CC2D2A: variants seen among roughly 807,000 people sequenced by gnomAD.
CC2D2A encodes the protein coiled-coil and C2 domain-containing protein 2A.
A neutral mutation model predicts 212.9 loss-of-function variants in CC2D2A; 155 were observed. The observed-to-expected ratio is 0.73, with a 90% CI of 0.64 to 0.83. The LOEUF (loss-of-function observed/expected upper bound fraction) is 0.83. CC2D2A is among the 40% of genes least tolerant of loss of function. The probability of loss-of-function intolerance (pLI) is 0.00; values close to 1 mark genes in which losing one functional copy is unlikely to be tolerated. For missense variants in CC2D2A, 1,856 were observed against 1,956.2 expected, an observed-to-expected ratio of 0.95 and a Z score of 0.97; for synonymous variants, 667 against 686.5, an observed-to-expected ratio of 0.97 and a Z score of 0.44.
Position 15,563,441 on chromosome 4 carries a change from A to C in CC2D2A, c.3101A>C (p.Gln1034Pro). Reference sequence around the variant, plus strand: ...AAAGGTCGGAAGAAGGTGACAGCCCAAAACCTGTCTGATGGAGACATAAAG... The same window carrying C: ...AAAGGTCGGAAGAAGGTGACAGCCCCAAACCTGTCTGATGGAGACATAAAG... ...RRKGRKKVTA[Q>P]NLSDGDIKLL... Residue 1034 changes from glutamine to proline, a missense_variant, in exon 24 of 37, where the codon CAA becomes CCA. Physicochemically the swap from Gln to Pro is moderately conservative, Grantham distance 76. This residue lies in a region of CC2D2A where 1,512 missense variants were observed against 1,579.3 expected (regional missense o/e 0.96). Coordinates refer to ENST00000424120, the MANE Select transcript of CC2D2A (RefSeq NM_001378615.1). The C allele has an allele frequency of 6.2e-7, 1 of 1,611,522 alleles. No individual in the cohort carries two copies. The highest frequency in any genetic ancestry group is 8.5e-7 in the Non-Finnish European group (1 of 1,178,888).
In CC2D2A at chr4:15,510,199, A is replaced by G; in HGVS notation, c.499A>G (p.Lys167Glu). Residue 167 changes from lysine to glutamate, a missense_variant, in exon 7 of 37, where the codon AAG becomes GAG. Transcript: ENST00000424120. ...TGACTCCCAAAGTTACTCAAGAGTCAAGTTCCATGATTCTGCACGAAAAAT... is the reference window on the plus strand; with the variant it reads ...TGACTCCCAAAGTTACTCAAGAGTCGAGTTCCATGATTCTGCACGAAAAAT... Reference protein sequence around the residue: ...EVDSQSYSRVKFHDSARKIKP... With the variant: ...EVDSQSYSRVEFHDSARKIKP... The G allele has an allele frequency of 6.2e-7, 1 of 1,613,364 alleles. No individual in the cohort carries two copies. Among genetic ancestry groups the G allele is most frequent in the Non-Finnish European group, 8.5e-7 (1 of 1,179,714 alleles).
rs754234090 is a variant in CC2D2A, at chr4:15,537,045, T to C, written c.1733T>C (p.Leu578Ser). Residue 578 changes from leucine (L) to serine (S), a missense_variant, in exon 15 of 37, where the codon TTA (leucine) becomes TCA (serine). Coordinates refer to ENST00000424120, the MANE Select transcript of CC2D2A (RefSeq NM_001378615.1). The stretch of plus-strand genomic sequence containing the variant: ...AAGATGGAAGAATACAGAACGTCGT[T>C]ACAACAGTGGAAGGCCTGGAGGAAA... ...AQKMEEYRTS[L>S]QQWKAWRKVQ... 6.2e-7 allele frequency: 1 copy of C among 1,613,652 alleles called. No individual in the cohort carries two copies. The highest frequency in any genetic ancestry group is 8.5e-7 in the Non-Finnish European group (1 of 1,179,632).
chr4:15,540,908 A>G lies in CC2D2A; in HGVS notation c.2075A>G (p.Glu692Gly), dbSNP rs767403778. The part of the protein sequence containing the change: ...VYLKVLFNNK[E>G]VSRTVSRPLG... Reference sequence around the variant, plus strand: ...TTAAAAGTGCTGTTCAACAACAAGGAGGTGTCCAGGACAGTCAGTCGGCCA... The same window carrying G: ...TTAAAAGTGCTGTTCAACAACAAGGGGGTGTCCAGGACAGTCAGTCGGCCA... The change falls in exon 17 of 37, where the codon GAG becomes GGG. Residue 692 changes from glutamate (E) to glycine (G), a missense_variant. Around this residue, in one of 5 missense-constraint regions of CC2D2A, gnomAD observed 1,512 missense variants for 1,579.3 expected, o/e 0.96. Coordinates refer to ENST00000424120, the MANE Select transcript of CC2D2A (RefSeq NM_001378615.1). 6.3e-7 allele frequency: 1 copy of G among 1,587,316 alleles called. No individual in the cohort carries two copies. The highest frequency in any genetic ancestry group is 8.6e-7 in the Non-Finnish European group (1 of 1,166,502).
At chr4:15,470,278 G>A (rs1713634430) in intron 1 of CC2D2A, among the ~76,000 whole-genome samples, 3 of 152,184 alleles carry the variant, frequency 2.0e-5, no homozygotes, top group Admixed American at 2.0e-4. Flanking sequence ...CTGGTTTGCA[G>A]GAAATGTAAG....
At chr4:15,577,793 C>A (rs556060782) in intron 29 of CC2D2A, among the ~76,000 whole-genome samples, 1 of 152,086 alleles carries the variant, frequency 6.6e-6, no homozygotes, top group East Asian at 1.9e-4. Flanking sequence ...GTGCCTATAG[C>A]TGCCTCTCTT....
chr4:15,561,043 T>A (rs1472296513), intron 23 of CC2D2A, among the ~76,000 whole-genome samples: 1 of 152,048 alleles, frequency 6.6e-6, no homozygotes, highest in Non-Finnish European at 1.5e-5. Context: ...GCTTCTGGGG[T>A]GGACGAGGAA....
rs118204053 is a variant in CC2D2A at position 15,559,183 on chromosome 4, C to T, written c.2848C>T (p.Arg950Ter). 2.3e-5 allele frequency: 35 copies of T among 1,549,740 alleles called. No homozygotes were observed. Among genetic ancestry groups the T allele is most frequent in the South Asian group, 7.2e-5 (6 of 83,004 alleles). Residue 950 changes from arginine (R) to a stop codon, truncating the protein, a stop_gained, in exon 22 of 37, where the codon CGA becomes TGA. Transcript: ENST00000424120. LOFTEE classifies it high-confidence loss of function. ...ATTTTAGGACTATGAGAAACGGTTACGAGACAGAAATGTAATAGAAACCAA... is the reference window on the plus strand; with the variant it reads ...ATTTTAGGACTATGAGAAACGGTTATGAGACAGAAATGTAATAGAAACCAA... ...KVFQDYEKRL[R>*]DRNVIETKEH...
intron 4 of CC2D2A, among the ~76,000 whole-genome samples, chr4:15,486,804 C>T (rs943368033): frequency 9.9e-5 from 15 of 151,784 alleles, no homozygotes; most frequent in Admixed American, 1.3e-4. Flanking sequence ...AATTCCCTTC[C>T]GGTAATGCTT....
Position 15,567,792 on chromosome 4 carries a change from C to G in CC2D2A, c.3398+6C>G. ...GAACTAGAACTTCCATTTAGGTAAG[C>G]ATATTTTCCTCTTTAAAGAACTATA... On this transcript the variant is annotated splice_donor_region_variant and intron_variant, in intron 26 of 36. Transcript: ENST00000424120. 1.3e-6 allele frequency: 2 copies of G among 1,559,116 alleles called. No individual in the cohort carries two copies. The highest frequency in any genetic ancestry group is 1.7e-6 in the Non-Finnish European group (2 of 1,149,496).
chr4:15,511,497 G>C lies in CC2D2A; in HGVS notation c.717+74G>C, dbSNP rs1042677094. Reference sequence around the variant, plus strand: ...AAAAAGCTGATGTCCCTGCAAGAAAGAAAGTGGCTGAGGAGAAACCTGCCA... The same window carrying C: ...AAAAAGCTGATGTCCCTGCAAGAAACAAAGTGGCTGAGGAGAAACCTGCCA... On this transcript the variant is annotated intron_variant, in intron 8 of 36. Transcript: ENST00000424120. 7 of 1,356,042 alleles carry C rather than the reference G, an allele frequency of 5.2e-6. No individual in the cohort carries two copies. In the African/African-American group the frequency reaches 1.1e-4, roughly 20 times the overall value. The allele number at this position is 1,356,042 out of a possible 1,614,324, so 84.0% of individuals were successfully genotyped here.
At chr4:15,596,284 T>C in intron 34 of CC2D2A, 77 bp downstream of exon 34, 1 of 1,319,078 alleles carries the variant, frequency 7.6e-7, no homozygotes, top group Non-Finnish European at 1.0e-6. Context: ...AGATATTTTT[T>C]ACCCCTGGGT....
intron 17 of CC2D2A, among the ~76,000 whole-genome samples, chr4:15,541,899 C>G (rs948173880): frequency 6.6e-6 from 1 of 152,082 alleles, no homozygotes. Context: ...GTTCTGGAGG[C>G]CTAAAGTCTG....
chr4:15,489,066 A>G (rs970751799), intron 4 of CC2D2A, among the ~76,000 whole-genome samples: 27 of 152,246 alleles, frequency 1.8e-4, no homozygotes, highest in African/African-American at 6.5e-4. Context: ...TTATGAACAC[A>G]AATTTCTTCA....
chr4:15,532,504 C>G (rs1291340564), intron 13 of CC2D2A, among the ~76,000 whole-genome samples: 1 of 152,196 alleles, frequency 6.6e-6, no homozygotes, highest in Non-Finnish European at 1.5e-5. Flanking sequence ...TATAAACTCC[C>G]TGAGGATGGA....
intron 4 of CC2D2A, among the ~76,000 whole-genome samples, chr4:15,501,496 T>G (rs973132696): frequency 2.0e-5 from 3 of 152,170 alleles, no homozygotes; most frequent in Non-Finnish European, 2.9e-5. Context: ...GACTCCTTAA[T>G]GTGACATCAG....
At chr4:15,534,872 T>C (rs1225279861) in intron 14 of CC2D2A, among the ~76,000 whole-genome samples, 1 of 152,012 alleles carries the variant, frequency 6.6e-6, no homozygotes, top group East Asian at 1.9e-4. Flanking sequence ...CCACTTAGTA[T>C]CTGCTCAGTT....
chr4:15,541,919 C>G (rs138154071), intron 17 of CC2D2A, among the ~76,000 whole-genome samples: 1 of 152,222 alleles, frequency 6.6e-6, no homozygotes, highest in Non-Finnish European at 1.5e-5. Context: ...GAAATCAAGG[C>G]GTCAGTAGGG....
At chr4:15,478,647 A>T (rs1714400600) in intron 2 of CC2D2A, 76 bp from the exon 3 acceptor site, 3 of 1,068,310 alleles carry the variant, frequency 2.8e-6, no homozygotes, top group African/African-American at 1.6e-5. Flanking sequence ...TCAAGATGGG[A>T]GTTTTAATTT....
Position 15,555,166 on chromosome 4 carries a change from G to C in CC2D2A, c.2581G>C (p.Asp861His). Residue 861 changes from aspartate (D) to histidine (H), a missense_variant, in exon 20 of 37, where the codon GAC (aspartate) becomes CAC (histidine). By Grantham distance (81) the Asp-to-His change is moderately conservative (BLOSUM62 -1). Around this residue, in one of 5 missense-constraint regions of CC2D2A, gnomAD observed 1,512 missense variants for 1,579.3 expected, o/e 0.96. Transcript: ENST00000424120. The stretch of plus-strand genomic sequence containing the variant: ...CAAGTGGGCAGCAGAGTCCAAGCTC[G>C]ACCCAAATGACCCCAACAATGCCCC... Reference protein sequence around the residue: ...LAKWAAESKLDPNDPNNAPLM... With the variant: ...LAKWAAESKLHPNDPNNAPLM... 1.9e-6 allele frequency: 3 copies of C among 1,613,774 alleles called. No homozygotes were observed. The highest frequency in any genetic ancestry group is 2.5e-6 in the Non-Finnish European group (3 of 1,179,808).
Sources: gnomAD v4.1 joint callset for allele counts (sites outside exome capture counted in the v4.1 genomes callset) on GRCh38, gnomAD v4.1.1 for gene constraint, gnomAD v4.1.1 regional missense constraint, MANE v1.5 for transcripts, NCBI Gene and HGNC (gene_info 2026-07-23, HGNC 2026-07-21) for gene names.